The following GRID1 variants were observed in gnomAD, a reference collection of about 807,000 sequenced individuals.
GRID1 encodes the protein glutamate ionotropic receptor delta type subunit 1.
GRID1 carries 28 observed loss-of-function variants against 98.0 expected under a neutral mutation model. The ratio of observed to expected loss-of-function variants is 0.29; its 90% CI spans 0.21 to 0.39. The LOEUF (loss-of-function observed/expected upper bound fraction) is 0.39. Among genes scored for constraint, GRID1 ranks in the 10% least tolerant of loss-of-function variants. The probability of loss-of-function intolerance (pLI) is 1.00; values close to 1 mark genes in which losing one functional copy is unlikely to be tolerated. For synonymous variants in GRID1, 553 were observed against 538.5 expected, an observed-to-expected ratio of 1.03 and a Z score of -0.37; for missense variants, 1,111 against 1,340.5, an observed-to-expected ratio of 0.83 and a Z score of 2.67.
chr10:85,864,239 G>A (rs1008731469), intron 6 of GRID1, among the ~76,000 whole-genome samples: 2 of 152,234 alleles, frequency 1.3e-5, no homozygotes, highest in Non-Finnish European at 2.9e-5. Flanking sequence ...AGAAATCCAT[G>A]CCAGGTGTAG....
chr10:86,334,776 T>C (rs1848200495), intron 2 of GRID1, among the ~76,000 whole-genome samples: 1 of 152,190 alleles, frequency 6.6e-6, no homozygotes, highest in African/African-American at 2.4e-5. Flanking sequence ...TAATGGACCA[T>C]GGTTGGGAGG....
chr10:86,087,901 C>A (rs1844087937), intron 4 of GRID1, among the ~76,000 whole-genome samples: 1 of 152,184 alleles, frequency 6.6e-6, no homozygotes. Flanking sequence ...CCCTATAGTG[C>A]TAGTTCCTCC....
chr10:86,314,432 T>C (rs1476021980), intron 2 of GRID1, among the ~76,000 whole-genome samples: 2 of 152,244 alleles, frequency 1.3e-5, no homozygotes, highest in Non-Finnish European at 2.9e-5. Context: ...TGGTGATCAG[T>C]GGCCATCTGC....
intron 4 of GRID1, among the ~76,000 whole-genome samples, chr10:85,925,419 G>A (rs769347028): frequency 4.4e-4 from 67 of 152,264 alleles, no homozygotes; most frequent in Middle Eastern, 3.4e-3. Flanking sequence ...GGTTTGGCGG[G>A]GGCAGCCACC....
At chr10:86,069,246 G>T (rs2131919511) in intron 4 of GRID1, among the ~76,000 whole-genome samples, 1 of 152,266 alleles carries the variant, frequency 6.6e-6, no homozygotes, top group African/African-American at 2.4e-5. Context: ...GTTGCCAAGG[G>T]GAGGTGATGT....
chr10:85,962,203 AC>A (rs1380742241), intron 4 of GRID1, among the ~76,000 whole-genome samples: 4 of 151,770 alleles, frequency 2.6e-5, no homozygotes, highest in Admixed American at 1.3e-4. Context: ...GGGGTCTGCC[AC>A]CCTTCCCTTC....
chr10:85,616,722 A>G (rs1327430688), intron 14 of GRID1, among the ~76,000 whole-genome samples: 1 of 152,230 alleles, frequency 6.6e-6, no homozygotes, highest in Non-Finnish European at 1.5e-5. Context: ...TTTGAAAATG[A>G]GGCTAAACTA....
chr10:86,116,087 T>C (rs1253285073), intron 4 of GRID1, among the ~76,000 whole-genome samples: 4 of 152,294 alleles, frequency 2.6e-5, no homozygotes, highest in Admixed American at 2.0e-4. Context: ...GTACACTCTA[T>C]GGGGTTCGTA....
rs147105627 is a variant in GRID1 at position 86,244,210 on chromosome 10, C to T, written c.236-37562G>A. On this transcript the variant is annotated intron_variant, in intron 2 of 15. Transcript: ENST00000327946. ...CAAAAGATGACAACTATGCAGAAAC[C>T]CTTAGCAAGGTCAGTAATCCTGTCA... 6.5e-3 allele frequency among the ~76,000 whole-genome samples: 989 copies of T among 152,226 alleles called. 7 individuals carry two copies. The highest frequency in any genetic ancestry group is 0.011 in the Non-Finnish European group (725 of 68,008).
chr10:85,665,235 A>C (rs947943915), intron 12 of GRID1, among the ~76,000 whole-genome samples: 1 of 152,116 alleles, frequency 6.6e-6, no homozygotes, highest in Non-Finnish European at 1.5e-5. Flanking sequence ...ACACCTGGGC[A>C]GTGACTAGCC....
chr10:85,734,552 A>C (rs930979330), intron 8 of GRID1, among the ~76,000 whole-genome samples: 4 of 152,182 alleles, frequency 2.6e-5, no homozygotes, highest in Non-Finnish European at 5.9e-5. Flanking sequence ...TACCCTGATA[A>C]AGCAAGAAAA....
At position 85,641,118 on chromosome 10, in the gene GRID1, G is replaced by C. The variant is rs78480891; in HGVS notation, c.2193+6084C>G. Among the ~76,000 whole-genome samples, 345 of 152,296 alleles carry C rather than the reference G, an allele frequency of 2.3e-3. 2 individuals carry two copies. The highest frequency in any genetic ancestry group is 8.1e-3 in the African/African-American group (335 of 41,550). ...AATATTAGGTCTGATTTATGGAAAG[G>C]CTTAATCAACTGGTGATCCAGGTCA... On this transcript the variant is annotated intron_variant, in intron 13 of 15. Transcript: ENST00000327946.
chr10:86,180,128 G>A (rs1229832738), intron 3 of GRID1, among the ~76,000 whole-genome samples: 10 of 152,218 alleles, frequency 6.6e-5, no homozygotes, highest in Non-Finnish European at 1.5e-4. Flanking sequence ...CAGTGGTGGA[G>A]TGGTGGAGAG....
At chr10:85,922,541 C>T (rs1589299847) in intron 4 of GRID1, among the ~76,000 whole-genome samples, 1 of 152,344 alleles carries the variant, frequency 6.6e-6, no homozygotes, top group South Asian at 2.1e-4. Flanking sequence ...CCAACTCTAA[C>T]ATTTGGGAAC....
chr10:85,720,633 C>CAA (rs1178857868), intron 12 of GRID1, among the ~76,000 whole-genome samples: 7,821 of 78,930 alleles, frequency 0.099, 268 homozygotes, highest in Middle Eastern at 0.14. Flanking sequence ...AACAAACAGA[C>CAA]AAAAAAAAAA....
intron 6 of GRID1, among the ~76,000 whole-genome samples, chr10:85,857,858 C>A (rs777293442): frequency 2.0e-4 from 30 of 152,180 alleles, no homozygotes; most frequent in Admixed American, 3.9e-4. Context: ...TACCACAACA[C>A]CTCTGTGCCT....
chr10:86,144,307 G>A (rs1194701028), intron 3 of GRID1, among the ~76,000 whole-genome samples: 1 of 152,142 alleles, frequency 6.6e-6, no homozygotes, highest in Admixed American at 6.5e-5. Context: ...GAACATTCCA[G>A]GAGAGGGGAA....
chr10:85,836,682 A>G (rs959800139), intron 8 of GRID1, among the ~76,000 whole-genome samples: 1 of 152,190 alleles, frequency 6.6e-6, no homozygotes, highest in African/African-American at 2.4e-5. Flanking sequence ...CTATCTCCCT[A>G]GGCTCAACTT....
intron 2 of GRID1, among the ~76,000 whole-genome samples, chr10:86,224,456 C>A: frequency 6.6e-6 from 1 of 152,172 alleles, no homozygotes; most frequent in East Asian, 1.9e-4. Context: ...GAGGATGCTG[C>A]CACCCACTGC....
Sources: gnomAD v4.1 joint callset for allele counts (sites outside exome capture counted in the v4.1 genomes callset) on GRCh38, gnomAD v4.1.1 for gene constraint, MANE v1.5 for transcripts, NCBI Gene and HGNC (gene_info 2026-07-23, HGNC 2026-07-21) for gene names.